Variants in HYAL4 observed in about 807,000 individuals in gnomAD.
The protein encoded by HYAL4 is hyaluronidase 4, also known as hyaluronidase-4.
In HYAL4, 37 loss-of-function variants were observed where a neutral mutation model predicts 35.2. That is an observed-to-expected ratio of 1.05 (90% CI 0.81 to 1.38). The LOEUF (loss-of-function observed/expected upper bound fraction) is 1.38. Ranked by LOEUF, HYAL4 falls within the 40% of genes most tolerant of loss-of-function variation. The probability of loss-of-function intolerance (pLI) is 0.00; values close to 1 mark genes in which losing one functional copy is unlikely to be tolerated. For missense variants in HYAL4, 572 were observed against 572.4 expected (o/e 1.00, Z 0.01); for synonymous variants, 198 against 203.2 (o/e 0.97, Z 0.22).
intron 2 of HYAL4, among the ~76,000 whole-genome samples, chr7:123,866,781 TTC>T (rs892647086): frequency 2.0e-5 from 3 of 151,382 alleles, no homozygotes; most frequent in Non-Finnish European, 2.9e-5. Flanking sequence ...TATCTTCTCT[TTC>T]TCTCTCTTTT....
chr7:123,807,914 A>AATTATTATT, the HYAL4 span, among the ~76,000 whole-genome samples: 16,489 of 136,340 alleles, frequency 0.12, 1,126 homozygotes, highest in East Asian at 0.2. Context: ...TTAGCTGGAT[A>AATTATTATT]ATTATTATTA....
At chr7:123,788,245 G>T in the HYAL4 span, among the ~76,000 whole-genome samples, 1 of 152,154 alleles carries the variant, frequency 6.6e-6, no homozygotes, top group Non-Finnish European at 1.5e-5. Flanking sequence ...GAATGCTTGA[G>T]CCCAGCCTGG....
intron 2 of HYAL4, among the ~76,000 whole-genome samples, chr7:123,850,550 G>A (rs150932597): frequency 3.7e-4 from 56 of 152,196 alleles, no homozygotes; most frequent in African/African-American, 1.3e-3. Flanking sequence ...ACTTATAATA[G>A]AATTACAGAT....
At chr7:123,793,519 A>G in the HYAL4 span, among the ~76,000 whole-genome samples, 8 of 152,156 alleles carry the variant, frequency 5.3e-5, no homozygotes, top group African/African-American at 1.4e-4. Context: ...GACCTGGTGG[A>G]AAATAATTTA....
At chr7:123,858,045 A>G (rs1167442383) in intron 2 of HYAL4, among the ~76,000 whole-genome samples, 1 of 152,082 alleles carries the variant, frequency 6.6e-6, no homozygotes, top group Non-Finnish European at 1.5e-5. Flanking sequence ...AAAATATAAA[A>G]ATTAACTTTG....
At chr7:123,786,715 T>C in the HYAL4 span, among the ~76,000 whole-genome samples, 2 of 138,288 alleles carry the variant, frequency 1.4e-5, no homozygotes, top group Admixed American at 7.1e-5. Flanking sequence ...TATCACATGC[T>C]ATCTATCTAT....
rs185345187 is a variant in HYAL4, at chr7:123,869,168, C to T, written c.895C>T (p.Pro299Ser). Reference sequence around the variant, plus strand: ...CATGACATCTCATGATTATGCTCTGCCTGTATTTGTCTACACAAGGCTAGG... The same window carrying T: ...CATGACATCTCATGATTATGCTCTGTCTGTATTTGTCTACACAAGGCTAGG... ...STMTSHDYAL[P>S]VFVYTRLGYR... The change falls in exon 3 of 5, where the codon CCT (proline) becomes TCT (serine). Residue 299 changes from proline (P) to serine (S), a missense_variant. Coordinates refer to ENST00000223026, the MANE Select transcript of HYAL4 (RefSeq NM_012269.3). 2 of 1,613,974 alleles carry T rather than the reference C, an allele frequency of 1.2e-6. No individual in the cohort carries two copies. The highest frequency in any genetic ancestry group is 2.2e-5 in the East Asian group (1 of 44,858).
At chr7:123,789,752 G>T in the HYAL4 span, among the ~76,000 whole-genome samples, 1 of 151,988 alleles carries the variant, frequency 6.6e-6, no homozygotes, top group Non-Finnish European at 1.5e-5. Flanking sequence ...CCAATAGGAC[G>T]TATACATGAA....
At chr7:123,833,562 A>T (rs1003642346) in intron 1 of HYAL4, among the ~76,000 whole-genome samples, 1 of 152,176 alleles carries the variant, frequency 6.6e-6, no homozygotes, top group African/African-American at 2.4e-5. Context: ...TCCTTTTGCC[A>T]TGCAAAATCT....
intron 3 of HYAL4, among the ~76,000 whole-genome samples, chr7:123,869,657 A>C (rs1276996110): frequency 6.6e-6 from 1 of 151,866 alleles, no homozygotes; most frequent in East Asian, 1.9e-4. Flanking sequence ...AATTCTAGGG[A>C]AAGTAGTGGG....
rs1207689519 is a variant in HYAL4 at position 123,876,989 on chromosome 7, C to A, written c.1280C>A (p.Ala427Glu). ...GGAAAAGCATCTGATACAGACCTGG[C>A]AGTGATGGCAGATACATTTTCCTGT... ...VKGKASDTDL[A>E]VMADTFSCHC... is the part of the protein sequence containing the mutation. Residue 427 changes from alanine (A) to glutamate (E), a missense_variant, in exon 5 of 5, where the codon GCA (alanine) becomes GAA (glutamate). Physicochemically the swap from Ala to Glu is moderately radical, Grantham distance 107. Coordinates refer to ENST00000223026, the MANE Select transcript of HYAL4 (RefSeq NM_012269.3). The A allele has an allele frequency of 6.2e-7, 1 of 1,614,036 alleles. No homozygotes were observed. The highest frequency in any genetic ancestry group is 2.2e-5 in the East Asian group (1 of 44,898).
the HYAL4 span, among the ~76,000 whole-genome samples, chr7:123,771,464 T>C: frequency 6.6e-6 from 1 of 152,204 alleles, no homozygotes; most frequent in Non-Finnish European, 1.5e-5. Flanking sequence ...ACCCACTAGA[T>C]GCCAGTAGCA....
chr7:123,837,097 C>T (rs1445734023), intron 1 of HYAL4, among the ~76,000 whole-genome samples: 1 of 152,000 alleles, frequency 6.6e-6, no homozygotes, highest in Non-Finnish European at 1.5e-5. Context: ...GTAGTTCTGC[C>T]TTGGTAGTGG....
At chr7:123,838,927 T>C (rs940892020) in intron 1 of HYAL4, among the ~76,000 whole-genome samples, 3 of 152,080 alleles carry the variant, frequency 2.0e-5, no homozygotes, top group African/African-American at 7.2e-5. Flanking sequence ...GCTGAGACTT[T>C]CCAGAGCATT....
At chr7:123,872,384 A>G (rs1045205164) in intron 3 of HYAL4, among the ~76,000 whole-genome samples, 1 of 152,242 alleles carries the variant, frequency 6.6e-6, no homozygotes, top group African/African-American at 2.4e-5. Context: ...TATCCTTGTT[A>G]TTAATTCATG....
the HYAL4 span, among the ~76,000 whole-genome samples, chr7:123,798,754 T>G: frequency 2.6e-5 from 4 of 152,192 alleles, no homozygotes; most frequent in Non-Finnish European, 5.9e-5. Context: ...GAAAAGTCCA[T>G]GCAGATTTCT....
chr7:123,782,861 CT>C, the HYAL4 span, among the ~76,000 whole-genome samples: 1 of 151,718 alleles, frequency 6.6e-6, no homozygotes, highest in African/African-American at 2.4e-5. Context: ...CCCTTTTTTC[CT>C]GTGACACATA....
intron 1 of HYAL4, 70 bp downstream of exon 1, chr7:123,845,755 T>C (rs1806161083): frequency 6.6e-6 from 1 of 152,196 alleles, no homozygotes; most frequent in African/African-American, 2.4e-5. Context: ...GAATTGTTTT[T>C]CTGGTTCCTT....
At chr7:123,766,168 G>A in the HYAL4 span, among the ~76,000 whole-genome samples, 1 of 152,114 alleles carries the variant, frequency 6.6e-6, no homozygotes, top group Admixed American at 6.5e-5. Flanking sequence ...ATTCTGTACT[G>A]AGGGACATTA....
Sources: gnomAD v4.1 joint callset for allele counts (sites outside exome capture counted in the v4.1 genomes callset) on GRCh38, gnomAD v4.1.1 for gene constraint, MANE v1.5 for transcripts, NCBI Gene and HGNC (gene_info 2026-07-23, HGNC 2026-07-21) for gene names.